Variants in MAP4K4 observed in about 807,000 individuals in gnomAD.
MAP4K4 encodes mitogen-activated protein kinase kinase kinase kinase 4, also known as HPK/GCK-like kinase HGK.
Under a neutral mutation model 189.6 loss-of-function variants are expected in MAP4K4, and 38 were observed. That is an observed-to-expected ratio of 0.20 (90% CI 0.15 to 0.26). The LOEUF (loss-of-function observed/expected upper bound fraction) is 0.26, where lower values mean the gene tolerates loss of function less well. Among genes scored for constraint, MAP4K4 ranks in the 10% least tolerant of loss-of-function variants. The pLI, the probability that MAP4K4 is intolerant of heterozygous loss-of-function variation, is 1.00. For missense variants in MAP4K4, 1,054 were observed against 1,726.9 expected, an observed-to-expected ratio of 0.61 and a Z score of 6.91; for synonymous variants, 610 against 624.3, an observed-to-expected ratio of 0.98 and a Z score of 0.34.
At chr2:101,697,977 G>T in exon 1 of MAP4K4, 1 of 743,288 alleles carries the variant, frequency 1.3e-6, no homozygotes, top group Non-Finnish European at 1.9e-6. Flanking sequence ...GGGCCGGCTC[G>T]GCTGCCGCGC....
chr2:101,724,255 T>G (rs1404467919), intron 2 of MAP4K4, among the ~76,000 whole-genome samples: 1 of 152,136 alleles, frequency 6.6e-6, no homozygotes, highest in Non-Finnish European at 1.5e-5. Flanking sequence ...CAACCTAAGA[T>G]GACAGGCAAA....
chr2:101,740,151 C>CTTTTTTTTTT lies in MAP4K4; in HGVS notation c.123+41624_123+41633dup, dbSNP rs71250687. ...TGGCTTCAAAGTTGCTTTATATCAT[C>CTTTTTTTTTT]TTTTTTTTTTTTTTTTTTTTGAGAC... is the stretch of plus-strand genomic sequence containing the variant. On this transcript the variant is annotated intron_variant, in intron 2 of 32. Transcript: ENST00000324219. Among the ~76,000 whole-genome samples the CTTTTTTTTTT allele has an allele frequency of 1.6e-4, 14 of 87,224 alleles. 2 individuals are homozygous for CTTTTTTTTTT. Among genetic ancestry groups the CTTTTTTTTTT allele is most frequent in the African/African-American group, 1.2e-3 (13 of 10,782 alleles). The allele number at this position is 87,224 out of a possible 152,430, so 57.2% of individuals were successfully genotyped here.
At chr2:101,747,751 GCAAA>G (rs1013963596) in intron 2 of MAP4K4, among the ~76,000 whole-genome samples, 6 of 152,110 alleles carry the variant, frequency 3.9e-5, no homozygotes, top group Non-Finnish European at 5.9e-5. Context: ...AAATTAACCA[GCAAA>G]CAAACAAAAC....
At position 101,729,101 on chromosome 2, in the gene MAP4K4, A is replaced by AGAGAGTGTGTGTGTGT. The variant is rs149283961; in HGVS notation, c.123+30564_123+30565insAGAGTGTGTGTGTGTG. Reference sequence around the variant, plus strand: ...AGGAGAGAGAGAGAGAGAGAGAGAGAGTGTGTGTGTGTGTGTGTGTGTGTG... The same window carrying AGAGAGTGTGTGTGTGT: ...AGGAGAGAGAGAGAGAGAGAGAGAGAGAGAGTGTGTGTGTGTGTGTGTGTGTGTGTGTGTGTGTGTG... On this transcript the variant is annotated intron_variant, in intron 2 of 32. Coordinates refer to ENST00000324219, the Ensembl canonical transcript of MAP4K4. 8.1e-3 allele frequency among the ~76,000 whole-genome samples: 1,057 copies of AGAGAGTGTGTGTGTGT among 130,538 alleles called. 20 individuals are homozygous for AGAGAGTGTGTGTGTGT. The highest frequency in any genetic ancestry group is 0.029 in the African/African-American group (935 of 32,146). 85.6% of individuals were successfully genotyped at this position (130,538 alleles called of 152,430 possible).
chr2:101,876,231 T>G (rs2098200335), intron 26 of MAP4K4, among the ~76,000 whole-genome samples: 1 of 152,036 alleles, frequency 6.6e-6, no homozygotes, highest in African/African-American at 2.4e-5. Flanking sequence ...GAGTTACTGG[T>G]TCTGAGGCAC....
intron 8 of MAP4K4, 65 bp downstream of exon 8, chr2:101,834,528 C>CA: frequency 8.0e-7 from 1 of 1,251,074 alleles, no homozygotes; most frequent in East Asian, 2.4e-5. Flanking sequence ...CCCAAGACTT[C>CA]AAAAAGAACA....
chr2:101,848,997 C>T (rs1349779375), intron 12 of MAP4K4, among the ~76,000 whole-genome samples: 3 of 152,158 alleles, frequency 2.0e-5, no homozygotes, highest in African/African-American at 4.8e-5. Flanking sequence ...CCTGCCCCTC[C>T]CCGCTGCTCT....
chr2:101,893,226 A>G (rs1278245850), exon 33 of MAP4K4: 1 of 456,342 alleles, frequency 2.2e-6, no homozygotes, highest in Non-Finnish European at 4.4e-6. Context: ...GAATGCAGAC[A>G]CAGCAGCTGG....
chr2:101,720,880 A>G (rs2051486699), intron 2 of MAP4K4, among the ~76,000 whole-genome samples: 1 of 152,162 alleles, frequency 6.6e-6, no homozygotes. Flanking sequence ...TTGATCACAT[A>G]TTTTGCATTT....
At chr2:101,834,650 C>A (rs2096691599) in intron 8 of MAP4K4, among the ~76,000 whole-genome samples, 187 bp downstream of exon 8, 1 of 152,122 alleles carries the variant, frequency 6.6e-6, no homozygotes, top group African/African-American at 2.4e-5. Context: ...ATTACTATTC[C>A]TTTTGAATAT....
chr2:101,719,419 C>T (rs907188230), intron 2 of MAP4K4, among the ~76,000 whole-genome samples: 1 of 152,160 alleles, frequency 6.6e-6, no homozygotes, highest in African/African-American at 2.4e-5. Context: ...GAGGCCGGGA[C>T]TGCCCCTAAG....
chr2:101,823,110 T>TGA (rs752366472), intron 3 of MAP4K4, among the ~76,000 whole-genome samples: 1 of 152,130 alleles, frequency 6.6e-6, no homozygotes, highest in South Asian at 2.1e-4. Context: ...CAGGTTTATA[T>TGA]GAGAGAGAGA....
chr2:101,833,928 G>T (rs1360843587), intron 7 of MAP4K4, among the ~76,000 whole-genome samples: 1 of 152,128 alleles, frequency 6.6e-6, no homozygotes, highest in Non-Finnish European at 1.5e-5. Context: ...TGAACACTTT[G>T]TAAAAAATGG....
intron 2 of MAP4K4, among the ~76,000 whole-genome samples, chr2:101,718,741 T>A (rs2050018806): frequency 6.6e-6 from 1 of 152,142 alleles, no homozygotes; most frequent in Non-Finnish European, 1.5e-5. Context: ...GAGCCTCTCA[T>A]ACTCTAATGT....
intron 27 of MAP4K4, among the ~76,000 whole-genome samples, chr2:101,877,838 C>G (rs1181423582): frequency 2.0e-5 from 3 of 152,146 alleles, no homozygotes; most frequent in Non-Finnish European, 2.9e-5. Context: ...CAAGCTCCGT[C>G]TCCCAGGTTC....
chr2:101,845,486 C>T (rs1023351703), intron 12 of MAP4K4, among the ~76,000 whole-genome samples: 7 of 152,224 alleles, frequency 4.6e-5, no homozygotes, highest in African/African-American at 1.7e-4. Context: ...CCTACACAGA[C>T]CTAGATGGTA....
intron 2 of MAP4K4, among the ~76,000 whole-genome samples, chr2:101,770,240 ATTTTTTTTTTTT>A (rs34574782): frequency 2.7e-5 from 2 of 75,158 alleles, no homozygotes; most frequent in African/African-American, 5.6e-5. Context: ...GTTCATTCTG[ATTTTTTTTTTTT>A]TTTTTTTTTT....
At chr2:101,715,122 G>A (rs1423979101) in intron 2 of MAP4K4, among the ~76,000 whole-genome samples, 3 of 152,198 alleles carry the variant, frequency 2.0e-5, no homozygotes, top group African/African-American at 7.2e-5. Flanking sequence ...CAAGATTGAG[G>A]TGTTGGCAGA....
intron 2 of MAP4K4, among the ~76,000 whole-genome samples, chr2:101,699,043 C>G (rs2036522435): frequency 6.6e-6 from 1 of 152,132 alleles, no homozygotes; most frequent in Admixed American, 6.5e-5. Flanking sequence ...GGTTGTCATC[C>G]TTTCTATTGA....
Sources: allele counts gnomAD v4.1 joint callset (sites outside exome capture counted in the v4.1 genomes callset), GRCh38; gene constraint gnomAD v4.1.1; transcripts MANE v1.5; gene names NCBI Gene and HGNC (gene_info 2026-07-23, HGNC 2026-07-21).